Variants in DENND3 observed in about 807,000 individuals in gnomAD.
DENND3 encodes the protein DENN domain containing 3, also known as DENN domain-containing protein 3.
In DENND3, 88 loss-of-function variants were observed where a neutral mutation model predicts 135.1. The observed-to-expected ratio is 0.65, with a 90% CI of 0.55 to 0.78. The LOEUF (loss-of-function observed/expected upper bound fraction) is 0.78. DENND3 is among the 30% of genes least tolerant of loss of function. The pLI is 0.00. For missense variants in DENND3, 1,392 were observed against 1,688.4 expected, an observed-to-expected ratio of 0.82 and a Z score of 3.08; for synonymous variants, 693 against 712.3, an observed-to-expected ratio of 0.97 and a Z score of 0.43.
intron 8 of DENND3, among the ~76,000 whole-genome samples, chr8:141,159,185 C>T (rs1284722067): frequency 3.3e-5 from 5 of 152,198 alleles, no homozygotes; most frequent in East Asian, 1.9e-4. Context: ...GCCCTGGCAC[C>T]GCGTGCCTGC....
At position 141,174,678 on chromosome 8, in the gene DENND3, T is replaced by C. The variant is rs543108145; in HGVS notation, c.2276-522T>C. Among the ~76,000 whole-genome samples, 1 of 152,218 alleles carries C rather than the reference T, an allele frequency of 6.6e-6. No individual in the cohort carries two copies. Among genetic ancestry groups the C allele is most frequent in the African/African-American group, 2.4e-5 (1 of 41,520 alleles). The stretch of plus-strand genomic sequence containing the variant: ...TTCAGTTGCAGACAACAAAAGTCAA[T>C]GATTTGCTGGTAACCAAAGAGTGTG... On this transcript the variant is annotated intron_variant, in intron 13 of 22. Coordinates refer to ENST00000519811, the MANE Select transcript of DENND3 (RefSeq NM_001352890.3). The surrounding 1 kb of genome is among the most constrained non-coding windows in gnomAD (Gnocchi z 4.6).
chr8:141,129,842 G>A (rs909891079), intron 1 of DENND3: 1 of 152,258 alleles, frequency 6.6e-6, no homozygotes, highest in Non-Finnish European at 1.5e-5. Flanking sequence ...GAGTGTCCGG[G>A]GAGTTTCCCC....
At chr8:141,170,719 G>A (rs1272746070) in intron 13 of DENND3, among the ~76,000 whole-genome samples, 1 of 152,210 alleles carries the variant, frequency 6.6e-6, no homozygotes, top group African/African-American at 2.4e-5. Context: ...AGCCACCTGG[G>A]GGGCAGGGCA....
In DENND3 at chr8:141,141,238, G is replaced by C. The variant is rs749496044; in HGVS notation, c.537G>C (p.Arg179=). 3 of 1,614,236 alleles carry C rather than the reference G, an allele frequency of 1.9e-6. No homozygotes were observed. The highest frequency in any genetic ancestry group is 1.1e-5 in the South Asian group (1 of 91,090). Residue 179 remains arginine (R), a synonymous_variant, in exon 4 of 23, where the codon CGG becomes CGC. Coordinates refer to ENST00000519811, the MANE Select transcript of DENND3 (RefSeq NM_001352890.3). This position sits in a 1 kb window ranked among gnomAD's most constrained non-coding sequence, Gnocchi z 5.3. Reference sequence around the variant, plus strand: ...GTTTCTACAATGGCAAAACGCACCGGGAGTGTCCTGGCTGCTTCGTGCCCT... The same window carrying C: ...GTTTCTACAATGGCAAAACGCACCGCGAGTGTCCTGGCTGCTTCGTGCCCT... ...EYCFYNGKTH[R]ECPGCFVPFA... is the part of the protein sequence containing the mutation.
chr8:141,186,573 TTA>T (rs760200327), intron 18 of DENND3, among the ~76,000 whole-genome samples: 2 of 152,218 alleles, frequency 1.3e-5, no homozygotes, highest in Non-Finnish European at 2.9e-5. Context: ...TTAGTGTATT[TTA>T]TGTGTGGCCC....
At position 141,192,127 on chromosome 8, in the gene DENND3, A is replaced by C. The variant is rs578120815; in HGVS notation, c.3380-204A>C. ...GCCCATATATTTACGTTTTCTGGTGAGCCTCATTTCTTCTTAAAGACCCAG... is the reference window on the plus strand; with the variant it reads ...GCCCATATATTTACGTTTTCTGGTGCGCCTCATTTCTTCTTAAAGACCCAG... On this transcript the variant is annotated intron_variant, in intron 20 of 22. Transcript: ENST00000519811. The C allele has an allele frequency of 1.2e-3, 619 of 536,220 alleles. 1 individual carries two copies. The highest frequency in any genetic ancestry group is 1.6e-3 in the Non-Finnish European group (520 of 316,102). 33.2% of individuals were successfully genotyped at this position (536,220 alleles called of 1,614,324 possible).
Position 141,166,094 on chromosome 8 carries a change from G to A in DENND3, c.1554-96G>A, listed in dbSNP as rs1820749717. The stretch of plus-strand genomic sequence containing the variant: ...TTCCACTGGTGTCCAAGAGTGTCAT[G>A]TGCTCTTCATCACACTGGGAAAAAT... On this transcript the variant is annotated intron_variant, in intron 11 of 22. Transcript: ENST00000519811. The surrounding 1 kb of genome is among the most constrained non-coding windows in gnomAD (Gnocchi z 4.3). 7 of 1,225,020 alleles carry A rather than the reference G, an allele frequency of 5.7e-6. No individual in the cohort carries two copies. The highest frequency in any genetic ancestry group is 1.9e-4 in the Middle Eastern group (1 of 5,196). The allele number at this position is 1,225,020 out of a possible 1,614,324, so 75.9% of individuals were successfully genotyped here. A position where few individuals can be genotyped will look rare whatever the true frequency, so the allele number is the denominator to read the frequency against.
In DENND3 at chr8:141,168,639, G is replaced by A; in HGVS notation, c.2275+114G>A. 7.4e-7 allele frequency: 1 copy of A among 1,350,374 alleles called. No homozygotes were observed. Among genetic ancestry groups the A allele is most frequent in the Non-Finnish European group, 9.9e-7 (1 of 1,006,124 alleles). The allele number at this position is 1,350,374 out of a possible 1,614,324, so 83.6% of individuals were successfully genotyped here. ...CAGCTCACTGCAACCTCCACCTCCT[G>A]GGCTCAAGCAGTCCTCCCACCTCAG... On this transcript the variant is annotated intron_variant, in intron 13 of 22. Coordinates refer to ENST00000519811, the MANE Select transcript of DENND3 (RefSeq NM_001352890.3). The surrounding 1 kb of genome is among the most constrained non-coding windows in gnomAD (Gnocchi z 6.2).
At chr8:141,185,030 G>A (rs1823712314) in intron 17 of DENND3, 109 bp from the exon 18 acceptor site, 1 of 1,406,154 alleles carries the variant, frequency 7.1e-7, no homozygotes, top group South Asian at 1.4e-5. Context: ...ACCTAACATG[G>A]GCCTGGCGCT....
intron 17 of DENND3, chr8:141,184,930 T>A: frequency 1.8e-6 from 1 of 548,200 alleles, no homozygotes; most frequent in South Asian, 3.0e-5. Context: ...CCTGTCTTTG[T>A]GGCCCTCTCA....
intron 10 of DENND3, 24 bp from the exon 11 acceptor site, chr8:141,165,162 G>T: frequency 6.2e-7 from 1 of 1,600,326 alleles, no homozygotes; most frequent in South Asian, 1.1e-5. Flanking sequence ...ACAGCCCAGT[G>T]ACCAGCCCCT....
intron 16 of DENND3, 70 bp downstream of exon 16, chr8:141,178,266 A>C: frequency 6.5e-7 from 1 of 1,548,534 alleles, no homozygotes. Context: ...TATCTGGTCG[A>C]TGTCTGTTTT....
chr8:141,158,322 T>C, intron 8 of DENND3: 1 of 1,269,220 alleles, frequency 7.9e-7, no homozygotes, highest in Non-Finnish European at 1.0e-6. Context: ...TTTTAGAGCG[T>C]GACATTCTGT....
At chr8:141,169,720 TG>T (rs960748101) in intron 13 of DENND3, among the ~76,000 whole-genome samples, 2 of 152,224 alleles carry the variant, frequency 1.3e-5, no homozygotes, top group African/African-American at 4.8e-5. Context: ...CTAGTGGTCG[TG>T]AGTTTAAACA....
chr8:141,182,021 T>G lies in DENND3; in HGVS notation c.2944+1167T>G, dbSNP rs929384738. 6.6e-6 allele frequency among the ~76,000 whole-genome samples: 1 copy of G among 152,196 alleles called. No homozygotes were observed. Among genetic ancestry groups the G allele is most frequent in the Admixed American group, 6.5e-5 (1 of 15,278 alleles). ...GTTGCCTAGGCTGATCTCGAACTCC[T>G]GGGCTCAAGCGATACCTCTCCACCT... On this transcript the variant is annotated intron_variant, in intron 17 of 22. Transcript: ENST00000519811. The surrounding 1 kb of genome is among the most constrained non-coding windows in gnomAD (Gnocchi z 5.9).
At chr8:141,179,592 C>G (rs1822829944) in intron 16 of DENND3, among the ~76,000 whole-genome samples, 2 of 152,234 alleles carry the variant, frequency 1.3e-5, no homozygotes, top group African/African-American at 4.8e-5. Context: ...AGGTCTCAGA[C>G]TGTACGGAAT....
chr8:141,160,170 C>T (rs896763426), intron 8 of DENND3, among the ~76,000 whole-genome samples: 13 of 140,268 alleles, frequency 9.3e-5, no homozygotes, highest in African/African-American at 1.1e-4. Flanking sequence ...AGTCTTCCAG[C>T]GATGTATTTT....
chr8:141,192,503 C>T (rs1482627021), intron 21 of DENND3, 23 bp from the exon 22 acceptor site: 3 of 1,607,936 alleles, frequency 1.9e-6, no homozygotes, highest in East Asian at 2.2e-5. Flanking sequence ...GGCCCATAGC[C>T]CACACCGTGC....
intron 8 of DENND3, chr8:141,158,269 T>A (rs1334190833): frequency 7.8e-7 from 1 of 1,288,556 alleles, no homozygotes; most frequent in Non-Finnish European, 1.0e-6. Context: ...GCTTTCCCAA[T>A]CATCTCAGTT....
Sources: allele counts gnomAD v4.1 joint callset (sites outside exome capture counted in the v4.1 genomes callset), GRCh38; gene constraint gnomAD v4.1.1; non-coding constraint Gnocchi (gnomAD v3.1); transcripts MANE v1.5; gene names NCBI Gene and HGNC (gene_info 2026-07-23, HGNC 2026-07-21).